Variants in PCYOX1 observed in about 807,000 individuals in gnomAD.
PCYOX1 encodes prenylcysteine oxidase 1.
PCYOX1 carries 46 observed loss-of-function variants against 46.4 expected under a neutral mutation model. The ratio of observed to expected loss-of-function variants is 0.99; its 90% CI spans 0.78 to 1.27. The LOEUF (loss-of-function observed/expected upper bound fraction) is 1.27, where lower values mean the gene tolerates loss of function less well. PCYOX1 is among the 50% of genes most tolerant of loss of function. The pLI is 0.00. For synonymous variants in PCYOX1, 220 were observed against 231.8 expected, an observed-to-expected ratio of 0.95 and a Z score of 0.46; for missense variants, 658 against 628.3, an observed-to-expected ratio of 1.05 and a Z score of -0.51.
intron 3 of PCYOX1, among the ~76,000 whole-genome samples, chr2:70,263,989 G>T (rs1254219778): frequency 1.4e-5 from 2 of 142,110 alleles, no homozygotes; most frequent in Non-Finnish European, 3.0e-5. Flanking sequence ...TTTGATACAG[G>T]TCTCACTCTG....
chr2:70,260,293 C>T (rs554022289), intron 2 of PCYOX1, among the ~76,000 whole-genome samples: 1 of 152,240 alleles, frequency 6.6e-6, no homozygotes, highest in East Asian at 1.9e-4. Context: ...GCCTGTAATC[C>T]CAGCACTTTG....
rs1233338848 is a variant in PCYOX1, at chr2:70,258,150, G to A, written c.-15G>A. On this transcript the variant is annotated 5_prime_UTR_variant, in exon 1 of 6. Coordinates refer to ENST00000433351, the MANE Select transcript of PCYOX1 (RefSeq NM_016297.4). ...TGCGGGGCTCTTGAGGCCAGCTGCA[G>A]AGCTTGTGGAGGCCATGGGGCGCGT... 6.3e-7 allele frequency: 1 copy of A among 1,583,366 alleles called. No individual in the cohort carries two copies. The highest frequency in any genetic ancestry group is 8.5e-7 in the Non-Finnish European group (1 of 1,169,950).
rs762775879 is a variant in PCYOX1 at position 70,275,181 on chromosome 2, G to T, written c.706+11G>T. 6.2e-7 allele frequency: 1 copy of T among 1,600,320 alleles called. No individual in the cohort carries two copies. Among genetic ancestry groups the T allele is most frequent in the Admixed American group, 1.7e-5 (1 of 60,002 alleles). On this transcript the variant is annotated intron_variant, in intron 4 of 5. Coordinates refer to ENST00000433351, the MANE Select transcript of PCYOX1 (RefSeq NM_016297.4). ...TCAATGCCTTTGTGGGTAAGCCAGG[G>T]CTTGAAACAGTGGTGGACATTAGTT...
intron 5 of PCYOX1, 77 bp from the exon 6 acceptor site, chr2:70,276,657 A>T: frequency 1.3e-6 from 1 of 796,228 alleles, no homozygotes; most frequent in Non-Finnish European, 2.0e-6. Context: ...TAGAGAAATT[A>T]TGAAGAAGGT....
At chr2:70,275,750 T>A in intron 5 of PCYOX1, 84 bp downstream of exon 5, 1 of 1,241,570 alleles carries the variant, frequency 8.1e-7, no homozygotes, top group Non-Finnish European at 1.2e-6. Flanking sequence ...TGTCATCTCT[T>A]ACTCAGTTCT....
In PCYOX1 at chr2:70,277,966, T is replaced by G. The variant is rs774874844; in HGVS notation, c.*574T>G. 6.6e-6 allele frequency: 1 copy of G among 152,238 alleles called. No homozygotes were observed. The highest frequency in any genetic ancestry group is 1.5e-5 in the Non-Finnish European group (1 of 68,128). 9.4% of individuals were successfully genotyped at this position (152,238 alleles called of 1,614,324 possible). A position where few individuals can be genotyped will look rare whatever the true frequency, so the allele number is the denominator to read the frequency against. On this transcript the variant is annotated 3_prime_UTR_variant, in exon 6 of 6. Coordinates refer to ENST00000433351, the MANE Select transcript of PCYOX1 (RefSeq NM_016297.4). ...AGATATAATCTTCAGTCAGATAAAA[T>G]TTATGGGAGCTGGTGTCTTATGCCT...
intron 3 of PCYOX1, among the ~76,000 whole-genome samples, chr2:70,268,345 C>T (rs1405887226): frequency 2.6e-5 from 4 of 152,128 alleles, no homozygotes; most frequent in African/African-American, 9.7e-5. Flanking sequence ...TGTTTTGTGA[C>T]TGAGAAGACA....
At chr2:70,258,348 C>T in intron 1 of PCYOX1, 72 bp downstream of exon 1, 1 of 963,382 alleles carries the variant, frequency 1.0e-6, no homozygotes. Context: ...GCGCAGTGCG[C>T]CCAGATCCCA....
intron 3 of PCYOX1, among the ~76,000 whole-genome samples, chr2:70,262,410 C>T (rs1696453526): frequency 6.6e-6 from 1 of 151,926 alleles, no homozygotes; most frequent in Admixed American, 6.6e-5. Context: ...AGGTGATCCA[C>T]CTGCCTCGGC....
In PCYOX1 at chr2:70,279,916, C is replaced by T. The variant is rs901672931; in HGVS notation, c.*2524C>T. ...CCAACATGGTGAAACCCTGTCTTTA[C>T]TAAAAATACAAAAATTAGCCAGGCA... On this transcript the variant is annotated 3_prime_UTR_variant, in exon 6 of 6. Transcript: ENST00000433351. 4 of 152,028 alleles carry T rather than the reference C, an allele frequency of 2.6e-5. No individual in the cohort carries two copies. The highest frequency in any genetic ancestry group is 4.4e-5 in the Non-Finnish European group (3 of 68,048). 9.4% of individuals were successfully genotyped at this position (152,028 alleles called of 1,614,324 possible).
chr2:70,266,241 C>T (rs2104892940), intron 3 of PCYOX1, among the ~76,000 whole-genome samples: 1 of 151,926 alleles, frequency 6.6e-6, no homozygotes, highest in South Asian at 2.1e-4. Flanking sequence ...GCAGGAGGAT[C>T]AGGGTAGGTA....
rs762822926 is a variant in PCYOX1, at chr2:70,258,223, G to A, written c.59G>A (p.Cys20Tyr). The A allele has an allele frequency of 1.3e-6, 2 of 1,598,022 alleles. No individual in the cohort carries two copies. The highest frequency in any genetic ancestry group is 2.3e-5 in the East Asian group (1 of 43,774). ...SSLLGLWLLL[C>Y]SCGCPEGAEL... ...CTGCTGGGGTTGTGGCTGTTGCTGT[G>A]CAGCTGCGGATGCCCCGAGGGCGCC... Residue 20 changes from cysteine (C) to tyrosine (Y), a missense_variant, in exon 1 of 6, where the codon TGC becomes TAC. Coordinates refer to ENST00000433351, the MANE Select transcript of PCYOX1 (RefSeq NM_016297.4).
intron 1 of PCYOX1, 38 bp downstream of exon 1, chr2:70,258,314 C>T (rs370775019): frequency 7.4e-7 from 1 of 1,359,982 alleles, no homozygotes; most frequent in Non-Finnish European, 9.8e-7. Context: ...GGTGCTGGAG[C>T]GCGCCCCGCG....
chr2:70,275,518 G>A lies in PCYOX1; in HGVS notation c.711G>A (p.Ala237=), dbSNP rs3732255. The A allele has an allele frequency of 2.5e-4, 400 of 1,613,580 alleles. 3 individuals carry two copies. The East Asian group carries it at 8.5e-3, about 34-fold the overall frequency. ...QSTDINAFVG[A]VSLSCSDSGL... is the part of the protein sequence containing the mutation. Reference sequence around the variant, plus strand: ...CATTTTTCCTCCTATTGACAGGGGCGGTGTCACTGTCCTGTTCTGATTCTG... The same window carrying A: ...CATTTTTCCTCCTATTGACAGGGGCAGTGTCACTGTCCTGTTCTGATTCTG... Residue 237 remains alanine (A), a synonymous_variant, in exon 5 of 6, where the codon GCG becomes GCA. Coordinates refer to ENST00000433351, the MANE Select transcript of PCYOX1 (RefSeq NM_016297.4).
At chr2:70,275,696 A>G (rs982136972) in intron 5 of PCYOX1, 30 bp downstream of exon 5, 1 of 1,600,892 alleles carries the variant, frequency 6.2e-7, no homozygotes, top group Non-Finnish European at 8.6e-7. Flanking sequence ...TGTTCCTGAT[A>G]TCCCCTGCAG....
At position 70,279,325 on chromosome 2, in the gene PCYOX1, A is replaced by G. The variant is rs1696731212; in HGVS notation, c.*1933A>G. On this transcript the variant is annotated 3_prime_UTR_variant, in exon 6 of 6. Transcript: ENST00000433351. ...TTTTTTCTAGTTTTATTCTTAACAGATATGTTGAGGTATTCATATTTGTTT... is the reference window on the plus strand; with the variant it reads ...TTTTTTCTAGTTTTATTCTTAACAGGTATGTTGAGGTATTCATATTTGTTT... 6.6e-6 allele frequency: 1 copy of G among 152,170 alleles called. No homozygotes were observed. The highest frequency in any genetic ancestry group is 1.5e-5 in the Non-Finnish European group (1 of 68,042). 9.4% of individuals were successfully genotyped at this position (152,170 alleles called of 1,614,324 possible).
At position 70,261,311 on chromosome 2, in the gene PCYOX1, A is replaced by C; in HGVS notation, c.419A>C (p.Lys140Thr). Residue 140 changes from lysine to threonine, a missense_variant, in exon 3 of 6, where the codon AAA becomes ACA. By Grantham distance (78) the Lys-to-Thr change is moderately conservative. Coordinates refer to ENST00000433351, the MANE Select transcript of PCYOX1 (RefSeq NM_016297.4). The stretch of plus-strand genomic sequence containing the variant: ...AACTGGTTCATAATTAACGTGATTA[A>C]ATTAGTTTGGCGCTATGGATTTCAA... ...ESNWFIINVI[K>T]LVWRYGFQSL... 6.2e-7 allele frequency: 1 copy of C among 1,611,940 alleles called. No individual in the cohort carries two copies. Among genetic ancestry groups the C allele is most frequent in the Non-Finnish European group, 8.5e-7 (1 of 1,178,018 alleles).
In PCYOX1 at chr2:70,278,761, T is replaced by G. The variant is rs558689747; in HGVS notation, c.*1369T>G. 26 of 152,296 alleles carry G rather than the reference T, an allele frequency of 1.7e-4. No individual in the cohort carries two copies. The highest frequency in any genetic ancestry group is 6.3e-4 in the African/African-American group (26 of 41,574). The allele number at this position is 152,296 out of a possible 1,614,324, so 9.4% of individuals were successfully genotyped here. On this transcript the variant is annotated 3_prime_UTR_variant, in exon 6 of 6. Coordinates refer to ENST00000433351, the MANE Select transcript of PCYOX1 (RefSeq NM_016297.4). ...ACAGGCAGCAAAACTTCAGAACTAG[T>G]TCTGCATCTACTGTGCAAAGATCAT...
At chr2:70,274,668 GTCC>G (rs370713336) in intron 3 of PCYOX1, 4 of 342,942 alleles carry the variant, frequency 1.2e-5, no homozygotes, top group African/African-American at 8.5e-5. Context: ...GGCTCAAGCA[GTCC>G]TCCTGCCTCA....
Sources: allele counts gnomAD v4.1 joint callset (sites outside exome capture counted in the v4.1 genomes callset), GRCh38; gene constraint gnomAD v4.1.1; transcripts MANE v1.5; gene names NCBI Gene and HGNC (gene_info 2026-07-23, HGNC 2026-07-21).